BNC2: variants seen among roughly 807,000 people sequenced by gnomAD.
The protein encoded by BNC2 is zinc finger protein basonuclin-2.
Under a neutral mutation model 76.3 loss-of-function variants are expected in BNC2, and 20 were observed. That is an observed-to-expected ratio of 0.26 (90% confidence interval 0.18 to 0.38). The LOEUF (loss-of-function observed/expected upper bound fraction) is 0.38. Among genes scored for constraint, BNC2 ranks in the 10% least tolerant of loss-of-function variants. The pLI is 1.00. For synonymous variants in BNC2, 582 were observed against 514.8 expected (o/e 1.13, Z -1.77); for missense variants, 1,382 against 1,399.8 (o/e 0.99, Z 0.20).
intron 5 of BNC2, among the ~76,000 whole-genome samples, chr9:16,507,078 G>C (rs1349244549): frequency 2.0e-5 from 3 of 151,956 alleles, no homozygotes; most frequent in Non-Finnish European, 4.4e-5. Flanking sequence ...AGGCCCGCCT[G>C]ACCTTCTGGA....
chr9:16,557,355 C>G (rs576524507), intron 4 of BNC2, among the ~76,000 whole-genome samples: 1 of 151,876 alleles, frequency 6.6e-6, no homozygotes, highest in South Asian at 2.1e-4. Flanking sequence ...AAAAATAAGC[C>G]GGGCATGGTG....
intron 1 of BNC2, among the ~76,000 whole-genome samples, chr9:16,747,224 T>C (rs923130403): frequency 6.6e-5 from 10 of 152,148 alleles, no homozygotes; most frequent in African/African-American, 2.4e-4. Flanking sequence ...TTCTAGAGAT[T>C]TGAGAAATTT....
At position 16,516,576 on chromosome 9, in the gene BNC2, C is replaced by G. The variant is rs549299568; in HGVS notation, c.669+35954G>C. 8.7e-4 allele frequency among the ~76,000 whole-genome samples: 132 copies of G among 152,182 alleles called. 1 individual carries two copies. The highest frequency in any genetic ancestry group is 3.1e-3 in the African/African-American group (129 of 41,540). On this transcript the variant is annotated intron_variant, in intron 5 of 6. Transcript: ENST00000380672. Reference sequence around the variant, plus strand: ...AACTCAAAGAGTCTTTATTTCTATCCCAAAGCGGGTTCTTTCTAGTACACA... The same window carrying G: ...AACTCAAAGAGTCTTTATTTCTATCGCAAAGCGGGTTCTTTCTAGTACACA...
intron 3 of BNC2, among the ~76,000 whole-genome samples, chr9:16,641,696 A>C (rs979453509): frequency 7.9e-5 from 12 of 152,228 alleles, no homozygotes; most frequent in African/African-American, 2.9e-4. Context: ...TTCTAGTCCA[A>C]ATAAATGTTA....
chr9:16,471,292 A>ATTT lies in BNC2; in HGVS notation c.670-33771_670-33769dup, dbSNP rs34169220. ...CTGGGAAGTAACTAGCTTGCTTTTG[A>ATTT]TTTTTTTTTTTTTTTTTTTAAGATA... On this transcript the variant is annotated intron_variant, in intron 5 of 6. Transcript: ENST00000380672. 7.5e-5 allele frequency among the ~76,000 whole-genome samples: 10 copies of ATTT among 133,760 alleles called. No homozygotes were observed. In the South Asian group the frequency reaches 2.0e-3, roughly 26 times the overall value. The allele number at this position is 133,760 out of a possible 152,430, so 87.8% of individuals were successfully genotyped here. A position where few individuals can be genotyped will look rare whatever the true frequency, so the allele number is the denominator to read the frequency against.
At chr9:16,556,650 C>A (rs1166901382) in intron 4 of BNC2, among the ~76,000 whole-genome samples, 8 of 139,818 alleles carry the variant, frequency 5.7e-5, no homozygotes, top group African/African-American at 2.6e-4. Context: ...CGCCTGTAGT[C>A]CCAGTTACTC....
chr9:16,840,981 C>T (rs1250574661), intron 1 of BNC2, among the ~76,000 whole-genome samples: 1 of 152,150 alleles, frequency 6.6e-6, no homozygotes, highest in African/African-American at 2.4e-5. Flanking sequence ...ACCACTATAA[C>T]CTCTCAGCTA....
intron 2 of BNC2, among the ~76,000 whole-genome samples, chr9:16,734,684 G>C (rs1458632736): frequency 1.3e-5 from 2 of 152,158 alleles, no homozygotes; most frequent in Admixed American, 1.3e-4. Flanking sequence ...GTACTATATG[G>C]TCCAGTGTTT....
At chr9:16,714,234 T>C (rs967215344) in intron 3 of BNC2, among the ~76,000 whole-genome samples, 2 of 152,236 alleles carry the variant, frequency 1.3e-5, no homozygotes, top group African/African-American at 4.8e-5. Context: ...TAGCCTAGCA[T>C]ATGTAACAAT....
chr9:16,552,142 A>G (rs752103415), intron 5 of BNC2, among the ~76,000 whole-genome samples: 2 of 152,150 alleles, frequency 1.3e-5, no homozygotes, highest in Non-Finnish European at 2.9e-5. Flanking sequence ...GAGTATGAGA[A>G]AAAGCCCTAA....
At chr9:16,838,493 G>A (rs185533759) in intron 1 of BNC2, among the ~76,000 whole-genome samples, 11 of 152,262 alleles carry the variant, frequency 7.2e-5, no homozygotes, top group Admixed American at 2.6e-4. Flanking sequence ...CCCCAGAAGC[G>A]GAGGTTGCAG....
chr9:16,552,807 G>C, intron 4 of BNC2, 42 bp from the exon 5 acceptor site: 1 of 1,499,128 alleles, frequency 6.7e-7, no homozygotes, highest in Non-Finnish European at 9.3e-7. Context: ...GGGGTGTTGG[G>C]AATAAGATAA....
intron 5 of BNC2, among the ~76,000 whole-genome samples, chr9:16,454,537 C>G (rs891860037): frequency 3.9e-5 from 6 of 152,178 alleles, no homozygotes; most frequent in African/African-American, 1.4e-4. Context: ...CTCCTGAGTT[C>G]AAGTAATCCT....
At chr9:16,527,295 T>A (rs769953875) in intron 5 of BNC2, among the ~76,000 whole-genome samples, 24 of 152,190 alleles carry the variant, frequency 1.6e-4, no homozygotes, top group Non-Finnish European at 3.5e-4. Context: ...GCCATGATAA[T>A]TAGGTGCAAA....
intron 5 of BNC2, among the ~76,000 whole-genome samples, chr9:16,532,141 C>T (rs1462168682): frequency 2.0e-5 from 3 of 150,548 alleles, no homozygotes; most frequent in African/African-American, 7.3e-5. Context: ...ATCCTTGATA[C>T]TGGAGTGGCA....
At chr9:16,581,861 C>T (rs1563849366) in intron 4 of BNC2, among the ~76,000 whole-genome samples, 1 of 152,128 alleles carries the variant, frequency 6.6e-6, no homozygotes, top group Non-Finnish European at 1.5e-5. Context: ...TGAAGGACTG[C>T]AGGATTGTGG....
At chr9:16,675,788 C>T (rs528281874) in intron 3 of BNC2, among the ~76,000 whole-genome samples, 5 of 152,098 alleles carry the variant, frequency 3.3e-5, no homozygotes, top group Non-Finnish European at 7.4e-5. Context: ...CAGCTTTGGC[C>T]GGGCTCGGTG....
intron 4 of BNC2, among the ~76,000 whole-genome samples, chr9:16,554,707 TG>T: frequency 6.6e-6 from 1 of 152,280 alleles, no homozygotes; most frequent in Admixed American, 6.5e-5. Flanking sequence ...GATGAGTGGC[TG>T]CTCTGCTAAC....
At chr9:16,642,975 G>C (rs1821529166) in intron 3 of BNC2, among the ~76,000 whole-genome samples, 1 of 152,086 alleles carries the variant, frequency 6.6e-6, no homozygotes, top group South Asian at 2.1e-4. Flanking sequence ...GAGAATATGA[G>C]TATACTTAAT....
Sources: gnomAD v4.1 joint callset for allele counts (sites outside exome capture counted in the v4.1 genomes callset) on GRCh38, gnomAD v4.1.1 for gene constraint, MANE v1.5 for transcripts, NCBI Gene and HGNC (gene_info 2026-07-23, HGNC 2026-07-21) for gene names.